Variants in MTTP observed in about 807,000 individuals in gnomAD.
The protein encoded by MTTP is microsomal triglyceride transfer protein, also known as microsomal triglyceride transfer protein large subunit.
A neutral mutation model predicts 90.6 loss-of-function variants in MTTP; 49 were observed. That is an observed-to-expected ratio of 0.54 (90% CI 0.43 to 0.69). The LOEUF (loss-of-function observed/expected upper bound fraction) is 0.69, where lower values mean the gene tolerates loss of function less well. Among genes scored for constraint, MTTP ranks in the 30% least tolerant of loss-of-function variants. MTTP has a pLI of 0.00. For synonymous variants in MTTP, 347 were observed against 384.2 expected (o/e 0.90, Z 1.13); for missense variants, 945 against 1,067.5 (o/e 0.89, Z 1.60).
At chr4:99,579,916 G>A (rs967710885) in intron 1 of MTTP, among the ~76,000 whole-genome samples, 1 of 151,108 alleles carries the variant, frequency 6.6e-6, no homozygotes, top group Admixed American at 6.6e-5. Flanking sequence ...GTGAGTGTGT[G>A]GTCCCAACTA....
chr4:99,613,174 C>A (rs1726006110), intron 15 of MTTP, 34 bp downstream of exon 15: 5 of 1,545,190 alleles, frequency 3.2e-6, no homozygotes, highest in African/African-American at 1.4e-5. Flanking sequence ...TTTATTGAGT[C>A]CCTAAAATAC....
At chr4:99,611,700 CT>C (rs750971313) in intron 14 of MTTP, among the ~76,000 whole-genome samples, 7 of 152,244 alleles carry the variant, frequency 4.6e-5, no homozygotes, top group Non-Finnish European at 8.8e-5. Flanking sequence ...GTCCATTTGT[CT>C]TTTCAAAGGT....
intron 6 of MTTP, 121 bp from the exon 7 acceptor site, chr4:99,594,612 A>C: frequency 8.8e-7 from 1 of 1,138,128 alleles, no homozygotes; most frequent in Non-Finnish European, 1.3e-6. Flanking sequence ...CACAGTTTGA[A>C]AGACATGGCT....
chr4:99,582,567 C>T (rs1391696252), intron 2 of MTTP, among the ~76,000 whole-genome samples: 2 of 152,138 alleles, frequency 1.3e-5, no homozygotes, highest in Non-Finnish European at 2.9e-5. Flanking sequence ...CCCTGAATAA[C>T]AGTGTTTGGT....
chr4:99,580,315 C>T (rs994977764), intron 1 of MTTP, among the ~76,000 whole-genome samples: 2 of 151,410 alleles, frequency 1.3e-5, no homozygotes, highest in South Asian at 2.1e-4. Flanking sequence ...CGTGGTAGCT[C>T]ACATCTATAA....
At chr4:99,574,275 T>A (rs1724899927), upstream of MTTP, among the ~76,000 whole-genome samples, 1 of 152,192 alleles carries the variant, frequency 6.6e-6, no homozygotes, top group African/African-American at 2.4e-5. Flanking sequence ...ATAAGGACAA[T>A]CATCTATGTT....
intron 12 of MTTP, among the ~76,000 whole-genome samples, chr4:99,609,650 C>T (rs1725903313): frequency 6.6e-6 from 1 of 151,802 alleles, no homozygotes; most frequent in Middle Eastern, 3.4e-3. Context: ...GCATTCACCA[C>T]AGAGATTGGA....
intron 5 of MTTP, 33 bp from the exon 6 acceptor site, chr4:99,591,618 A>G: frequency 6.2e-7 from 1 of 1,600,508 alleles, no homozygotes; most frequent in Non-Finnish European, 8.6e-7. Flanking sequence ...AACGATGATT[A>G]CTTGTTATAA....
intron 12 of MTTP, 44 bp from the exon 13 acceptor site, chr4:99,611,099 C>A (rs369453690): frequency 9.6e-6 from 15 of 1,568,032 alleles, no homozygotes; most frequent in Non-Finnish European, 1.2e-5. Flanking sequence ...GGGAAACAGT[C>A]ATTACAATGA....
At chr4:99,613,980 A>T (rs1003199953) in intron 15 of MTTP, among the ~76,000 whole-genome samples, 22 of 152,242 alleles carry the variant, frequency 1.4e-4, no homozygotes, top group African/African-American at 5.3e-4. Context: ...GCAACATAAA[A>T]AATGATATAT....
At chr4:99,620,992 T>C in intron 16 of MTTP, 69 bp from the exon 17 acceptor site, 1 of 1,446,406 alleles carries the variant, frequency 6.9e-7, no homozygotes, top group Non-Finnish European at 9.6e-7. Context: ...CCTGTAAAGT[T>C]ACAGCTGTTA....
At chr4:99,572,776 C>A (rs1724867546), upstream of MTTP, among the ~76,000 whole-genome samples, 1 of 152,032 alleles carries the variant, frequency 6.6e-6, no homozygotes, top group Non-Finnish European at 1.5e-5. Flanking sequence ...TTCTTCGATA[C>A]ACAGAGTTTA....
chr4:99,597,056 A>G lies in MTTP; in HGVS notation c.910-11A>G, dbSNP rs764296922. ...TGAGTGGGGTATGAGCCTGCAGTGT[A>G]TGTTTTGCAGCTCTCGGAGCTCTGG... is the stretch of plus-strand genomic sequence containing the variant. On this transcript the variant is annotated splice_polypyrimidine_tract_variant and intron_variant, in intron 7 of 17. Transcript: ENST00000265517. 32 of 1,613,452 alleles carry G rather than the reference A, an allele frequency of 2.0e-5. No individual in the cohort carries two copies. The highest frequency in any genetic ancestry group is 1.7e-4 in the Middle Eastern group (1 of 5,944).
chr4:99,575,071 G>A, intron 1 of MTTP, 101 bp downstream of exon 1: 1 of 1,313,192 alleles, frequency 7.6e-7, no homozygotes. Context: ...TAGTGAAAGA[G>A]TTTCTGACTA....
intron 3 of MTTP, among the ~76,000 whole-genome samples, chr4:99,589,145 A>G (rs1407767082): frequency 6.9e-6 from 1 of 145,740 alleles, no homozygotes; most frequent in Non-Finnish European, 1.5e-5. Context: ...AATGTTGACC[A>G]TGGGTATTAT....
Position 99,622,867 on chromosome 4 carries a change from T to C in MTTP, c.*19T>C, listed in dbSNP as rs762537539. 1.2e-6 allele frequency: 2 copies of C among 1,612,886 alleles called. No individual in the cohort carries two copies. Among genetic ancestry groups the C allele is most frequent in the African/African-American group, 2.7e-5 (2 of 74,882 alleles). ...GTTTTGAAACTGACCTGTGATATTTTACTTGAATTTGTCTCCCCGAAAGGG... is the reference window on the plus strand; with the variant it reads ...GTTTTGAAACTGACCTGTGATATTTCACTTGAATTTGTCTCCCCGAAAGGG... On this transcript the variant is annotated 3_prime_UTR_variant, in exon 18 of 18. Transcript: ENST00000265517.
At chr4:99,565,970 G>A (rs1578224262) in intron 1 of MTTP, among the ~76,000 whole-genome samples, 1 of 152,244 alleles carries the variant, frequency 6.6e-6, no homozygotes, top group Non-Finnish European at 1.5e-5. Context: ...ACATTAACCG[G>A]GTCATTTAGG....
intron 12 of MTTP, among the ~76,000 whole-genome samples, chr4:99,610,135 A>C (rs889913209): frequency 6.6e-6 from 1 of 152,160 alleles, no homozygotes; most frequent in African/African-American, 2.4e-5. Flanking sequence ...GTCTCCCAGC[A>C]GGTGGTATTC....
intron 1 of MTTP, among the ~76,000 whole-genome samples, chr4:99,567,852 G>C (rs1463445231): frequency 6.6e-6 from 1 of 152,114 alleles, no homozygotes; most frequent in African/African-American, 2.4e-5. Context: ...AACTGGAAAA[G>C]ATATTCTACC....
Sources: gnomAD v4.1 joint callset for allele counts (sites outside exome capture counted in the v4.1 genomes callset) on GRCh38, gnomAD v4.1.1 for gene constraint, MANE v1.5 for transcripts, NCBI Gene and HGNC (gene_info 2026-07-23, HGNC 2026-07-21) for gene names.